The following MYBPC2 variants were observed in gnomAD, a reference collection of about 807,000 sequenced individuals.
MYBPC2 encodes myosin binding protein C2.
A neutral mutation model predicts 137.0 loss-of-function variants in MYBPC2; 122 were observed. That is an observed-to-expected ratio of 0.89 (90% CI 0.77 to 1.03). MYBPC2 has a LOEUF of 1.03. Ranked by LOEUF, MYBPC2 falls within the 50% of genes least tolerant of loss-of-function variation. The pLI, the probability that MYBPC2 is intolerant of heterozygous loss-of-function variation, is 0.00. For missense variants in MYBPC2, 1,500 were observed against 1,534.4 expected (o/e 0.98, Z 0.37); for synonymous variants, 626 against 612.3 (o/e 1.02, Z -0.33).
intron 8 of MYBPC2, among the ~76,000 whole-genome samples, chr19:50,441,392 T>C (rs1168930257): frequency 3.9e-5 from 6 of 152,202 alleles, no homozygotes; most frequent in Non-Finnish European, 8.8e-5. Flanking sequence ...ACCCTTTTCC[T>C]AGCAATTTCT....
At chr19:50,440,846 C>T (rs763156600) in intron 7 of MYBPC2, 34 bp from the exon 8 acceptor site, 5 of 1,583,012 alleles carry the variant, frequency 3.2e-6, no homozygotes, top group Middle Eastern at 1.7e-4. Context: ...TTCCTCACTC[C>T]CTGATGGCCC....
chr19:50,457,017 T>C (rs2039920394), intron 20 of MYBPC2, among the ~76,000 whole-genome samples: 1 of 152,188 alleles, frequency 6.6e-6, no homozygotes, highest in Non-Finnish European at 1.5e-5. Context: ...CGACACACTA[T>C]CCCAGGTCTT....
At chr19:50,452,500 G>GTATCTATCTATCTATCTATCTATC (rs1456535214) in intron 16 of MYBPC2, among the ~76,000 whole-genome samples, 16 of 93,562 alleles carry the variant, frequency 1.7e-4, no homozygotes, top group South Asian at 3.3e-4. Context: ...ATGTATGTAT[G>GTATCTATCTATCTATCTATCTATC]TATGTATGTA....
intron 13 of MYBPC2, among the ~76,000 whole-genome samples, chr19:50,449,022 A>T (rs2039833063): frequency 6.6e-6 from 1 of 151,538 alleles, no homozygotes; most frequent in Non-Finnish European, 1.5e-5. Flanking sequence ...GAACCACCGC[A>T]CCTGTCCTGT....
rs759201851 is a variant in MYBPC2 at position 50,466,253 on chromosome 19, C to T, written c.*48C>T. On this transcript the variant is annotated 3_prime_UTR_variant, in exon 28 of 28. Coordinates refer to ENST00000357701, the MANE Select transcript of MYBPC2 (RefSeq NM_004533.4). The surrounding 1 kb of genome is among the most constrained non-coding windows in gnomAD (Gnocchi z 4.9). The stretch of plus-strand genomic sequence containing the variant: ...ACAATTGGTGGTGGAGTCCTGACCC[C>T]AATCCCCAACCTCCCAGGACTGTGT... The T allele has an allele frequency of 5.0e-6, 8 of 1,612,666 alleles. No individual in the cohort carries two copies. The highest frequency in any genetic ancestry group is 1.3e-5 in the African/African-American group (1 of 74,892).
At position 50,466,211 on chromosome 19, in the gene MYBPC2, G is replaced by A. The variant is rs770062745; in HGVS notation, c.*6G>A. 3 of 1,613,902 alleles carry A rather than the reference G, an allele frequency of 1.9e-6. No homozygotes were observed. Among genetic ancestry groups the A allele is most frequent in the Admixed American group, 3.3e-5 (2 of 60,008 alleles). On this transcript the variant is annotated 3_prime_UTR_variant, in exon 28 of 28. Transcript: ENST00000357701. The surrounding 1 kb of genome is among the most constrained non-coding windows in gnomAD (Gnocchi z 4.9). ...TTCCTGCAGTGCCGCAGTGAGACCT[G>A]TCCCCTACCTGCCAAGACAATTGGT...
intron 14 of MYBPC2, 44 bp from the exon 15 acceptor site, chr19:50,451,236 C>T (rs915363881): frequency 4.3e-6 from 7 of 1,609,602 alleles, no homozygotes; most frequent in Non-Finnish European, 6.0e-6. Flanking sequence ...GGTGAGGGGC[C>T]TGCTGAGTTT....
Position 50,442,208 on chromosome 19 carries a change from A to G in MYBPC2, c.797A>G (p.Tyr266Cys). 1 of 1,599,438 alleles carries G rather than the reference A, an allele frequency of 6.3e-7. No homozygotes were observed. Reference protein sequence around the residue: ...AAFTKKLDPAYQVDRGNKIKL... With the variant: ...AAFTKKLDPACQVDRGNKIKL... Reference sequence around the variant, plus strand: ...TTCACAAAGAAGCTGGATCCAGCCTACCAAGTGGACAGAGGCAACAAGATC... The same window carrying G: ...TTCACAAAGAAGCTGGATCCAGCCTGCCAAGTGGACAGAGGCAACAAGATC... Residue 266 changes from tyrosine (Y) to cysteine (C), a missense_variant, in exon 9 of 28, where the codon TAC (tyrosine) becomes TGC (cysteine). Physicochemically the swap from Tyr to Cys is radical, Grantham distance 194. Transcript: ENST00000357701.
intron 7 of MYBPC2, 28 bp from the exon 8 acceptor site, chr19:50,440,852 G>A: frequency 6.3e-7 from 1 of 1,592,828 alleles, no homozygotes; most frequent in Non-Finnish European, 8.6e-7. Flanking sequence ...ACTCCCTGAT[G>A]GCCCCTGTCC....
chr19:50,452,508 GTATCTATCTATC>G (rs59342187), intron 16 of MYBPC2, among the ~76,000 whole-genome samples: 6 of 114,652 alleles, frequency 5.2e-5, no homozygotes, highest in Admixed American at 9.4e-5. Context: ...ATGTATGTAT[GTATCTATCTATC>G]TATCTATCTA....
chr19:50,464,190 G>C lies in MYBPC2; in HGVS notation c.3229-156G>C. The C allele has an allele frequency of 1.4e-5, 9 of 638,098 alleles. No individual in the cohort carries two copies. In the South Asian group the frequency reaches 1.8e-4, roughly 13 times the overall value. 39.5% of individuals were successfully genotyped at this position (638,098 alleles called of 1,614,324 possible). ...GGATTATCAACCTGCTTTTACATAA[G>C]AGGAGACTGAGGGTCAGGGAGAAGT... On this transcript the variant is annotated intron_variant, in intron 26 of 27. Transcript: ENST00000357701.
chr19:50,436,626 G>A lies in MYBPC2; in HGVS notation c.355G>A (p.Val119Met), dbSNP rs768681256. The A allele has an allele frequency of 5.3e-5, 86 of 1,613,612 alleles. No homozygotes were observed. Among genetic ancestry groups the A allele is most frequent in the Non-Finnish European group, 7.0e-5 (82 of 1,179,678 alleles). ...CCGGCCCTGGACCCAGGTGTACACC[G>A]TGGAGCTGCACATTGGGAAGGTGGT... ...SHNSASNVYT[V>M]ELHIGKVVLG... The change falls in exon 5 of 28, where the codon GTG becomes ATG. Residue 119 changes from valine to methionine, a missense_variant. By Grantham distance (21) the Val-to-Met change is conservative. Coordinates refer to ENST00000357701, the MANE Select transcript of MYBPC2 (RefSeq NM_004533.4).
rs748483582 is a variant in MYBPC2, at chr19:50,458,884, C to G, written c.2507-34C>G. On this transcript the variant is annotated intron_variant, in intron 21 of 27. Transcript: ENST00000357701. ...GGCCCCTGGAATGCGCCCCGGCCCC[C>G]CGCTGAGCCCCCTCCCTGTGTTTGC... 3.5e-5 allele frequency: 56 copies of G among 1,598,730 alleles called. No individual in the cohort carries two copies. The African/African-American group carries it at 6.7e-4, about 19-fold the overall frequency.
chr19:50,456,229 TCATCCATCCATCCATCCATC>T (rs143679406), intron 20 of MYBPC2, among the ~76,000 whole-genome samples: 1 of 144,828 alleles, frequency 6.9e-6, no homozygotes, highest in Admixed American at 6.9e-5. Context: ...TTCCATCTAT[TCATCCATCCATCCATCCATC>T]CATCCATCCA....
At chr19:50,451,169 C>A in intron 14 of MYBPC2, 111 bp from the exon 15 acceptor site, 1 of 1,382,006 alleles carries the variant, frequency 7.2e-7, no homozygotes, top group Non-Finnish European at 1.0e-6. Context: ...TCCAGCACCC[C>A]AGTTCCCAGG....
In MYBPC2 at chr19:50,454,172, A is replaced by G; in HGVS notation, c.1902A>G (p.Gln634=). 1 of 1,613,876 alleles carries G rather than the reference A, an allele frequency of 6.2e-7. No homozygotes were observed. The highest frequency in any genetic ancestry group is 8.5e-7 in the Non-Finnish European group (1 of 1,179,850). ...AGGACGTGGCTTCCATCTTCCTGCA[A>G]GTTGTAGGTGAGCAGAGAAAGCCGA... ...VGEDVASIFL[Q]VVDVPDPPEA... Residue 634 remains glutamine, a synonymous_variant, in exon 17 of 28, where the codon CAA becomes CAG. Coordinates refer to ENST00000357701, the MANE Select transcript of MYBPC2 (RefSeq NM_004533.4).
intron 7 of MYBPC2, among the ~76,000 whole-genome samples, chr19:50,439,329 C>G (rs1008653735): frequency 2.0e-5 from 3 of 151,590 alleles, no homozygotes; most frequent in African/African-American, 7.3e-5. Flanking sequence ...CCCACCCACC[C>G]TTCCACTGAC....
intron 7 of MYBPC2, among the ~76,000 whole-genome samples, chr19:50,439,080 A>G (rs1456501748): frequency 4.6e-5 from 7 of 151,446 alleles, no homozygotes; most frequent in Non-Finnish European, 1.0e-4. Context: ...CAACCCATCA[A>G]TCCATCCACT....
chr19:50,454,221 C>T (rs372730560), intron 17 of MYBPC2, 42 bp downstream of exon 17: 4 of 1,613,680 alleles, frequency 2.5e-6, no homozygotes, highest in Admixed American at 1.7e-5. Flanking sequence ...AGGGGTGACT[C>T]CCTGAGGCCT....
Sources: gnomAD v4.1 joint callset for allele counts (sites outside exome capture counted in the v4.1 genomes callset) on GRCh38, gnomAD v4.1.1 for gene constraint, Gnocchi (gnomAD v3.1) non-coding constraint, MANE v1.5 for transcripts, NCBI Gene and HGNC (gene_info 2026-07-23, HGNC 2026-07-21) for gene names.